EPHA4: variants seen among roughly 807,000 people sequenced by gnomAD.
The protein encoded by EPHA4 is EPH receptor A4.
Under a neutral mutation model 108.3 loss-of-function variants are expected in EPHA4, and 19 were observed. The observed-to-expected ratio is 0.18, with a 90% CI of 0.12 to 0.26. EPHA4 has a LOEUF of 0.26. Ranked by LOEUF, EPHA4 falls within the 10% of genes least tolerant of loss-of-function variation. The probability of loss-of-function intolerance (pLI) is 1.00; values close to 1 mark genes in which losing one functional copy is unlikely to be tolerated. For synonymous variants in EPHA4, 449 were observed against 455.5 expected, an observed-to-expected ratio of 0.99 and a Z score of 0.18; for missense variants, 917 against 1,254.0, an observed-to-expected ratio of 0.73 and a Z score of 4.06.
At chr2:221,448,612 T>C (rs1426332813) in intron 8 of EPHA4, among the ~76,000 whole-genome samples, 2 of 152,152 alleles carry the variant, frequency 1.3e-5, no homozygotes, top group Non-Finnish European at 2.9e-5. Context: ...ACTACTAAAA[T>C]AACATTTTAT....
At chr2:221,558,811 A>T (rs560092951) in intron 3 of EPHA4, among the ~76,000 whole-genome samples, 13 of 152,336 alleles carry the variant, frequency 8.5e-5, no homozygotes, top group African/African-American at 3.1e-4. Context: ...TCTTATAGAT[A>T]AAGAATTACA....
chr2:221,536,653 T>C (rs1029466045), intron 3 of EPHA4, among the ~76,000 whole-genome samples: 8 of 152,230 alleles, frequency 5.3e-5, no homozygotes, highest in Admixed American at 5.2e-4. Flanking sequence ...AGGGGGTTAT[T>C]ATATACCCAG....
chr2:221,424,876 T>C (rs1207818681), intron 17 of EPHA4, among the ~76,000 whole-genome samples: 1 of 152,180 alleles, frequency 6.6e-6, no homozygotes, highest in African/African-American at 2.4e-5. Context: ...AATAAATATG[T>C]GTACCATGAA....
chr2:221,507,304 CT>C (rs1692661370), intron 3 of EPHA4, among the ~76,000 whole-genome samples: 1 of 152,136 alleles, frequency 6.6e-6, no homozygotes, highest in Non-Finnish European at 1.5e-5. Flanking sequence ...AACTGTCTTA[CT>C]GGAAAAGCTG....
intron 13 of EPHA4, 104 bp downstream of exon 13, chr2:221,436,295 A>C (rs1354899447): frequency 9.1e-7 from 1 of 1,101,950 alleles, no homozygotes; most frequent in African/African-American, 1.6e-5. Flanking sequence ...AAGGGATGAG[A>C]AAACTTAAAA....
intron 4 of EPHA4, among the ~76,000 whole-genome samples, chr2:221,486,378 C>T: frequency 6.6e-6 from 1 of 152,080 alleles, no homozygotes; most frequent in East Asian, 1.9e-4. Context: ...ATAATGGTGT[C>T]TTGCTACTTA....
Position 221,427,799 on chromosome 2 carries a change from T to A in EPHA4, c.2691-1180A>T, listed in dbSNP as rs568150821. On this transcript the variant is annotated intron_variant, in intron 15 of 17. Transcript: ENST00000281821. ...CGATATAATGCTTTACTTTTCTACATAGCAGAATTAATCCAATTCGATTTT... is the reference window on the plus strand; with the variant it reads ...CGATATAATGCTTTACTTTTCTACAAAGCAGAATTAATCCAATTCGATTTT... Among the ~76,000 whole-genome samples the A allele has an allele frequency of 2.6e-3, 399 of 152,340 alleles. 3 individuals carry two copies. Among genetic ancestry groups the A allele is most frequent in the Non-Finnish European group, 4.5e-3 (307 of 68,022 alleles).
Position 221,482,510 on chromosome 2 carries a change from G to A in EPHA4, c.1160C>T (p.Thr387Ile). ...GGTCTTCAAGCCATTCTGCTGTGGGGTGTAGTGGACCCCACTTCCACAGGG... is the reference window on the plus strand; with the variant it reads ...GGTCTTCAAGCCATTCTGCTGTGGGATGTAGTGGACCCCACTTCCACAGGG... ...CRPCGSGVHY[T>I]PQQNGLKTTK... Residue 387 changes from threonine (T) to isoleucine (I), a missense_variant, in exon 5 of 18, where the codon ACC (threonine) becomes ATC (isoleucine). Coordinates refer to ENST00000281821, the MANE Select transcript of EPHA4 (RefSeq NM_004438.5). 1.9e-6 allele frequency: 3 copies of A among 1,614,094 alleles called. No homozygotes were observed. Among genetic ancestry groups the A allele is most frequent in the Non-Finnish European group, 2.5e-6 (3 of 1,179,976 alleles).
At chr2:221,472,837 A>T (rs763202318) in intron 5 of EPHA4, among the ~76,000 whole-genome samples, 1 of 152,208 alleles carries the variant, frequency 6.6e-6, no homozygotes, top group Non-Finnish European at 1.5e-5. Flanking sequence ...TTTTCATAAC[A>T]AAACAAAACC....
intron 3 of EPHA4, among the ~76,000 whole-genome samples, chr2:221,524,576 T>C (rs776303763): frequency 2.0e-5 from 3 of 152,196 alleles, no homozygotes; most frequent in Non-Finnish European, 4.4e-5. Flanking sequence ...TAACAAAGCC[T>C]ATGTCAAATG....
intron 5 of EPHA4, among the ~76,000 whole-genome samples, chr2:221,470,689 A>T (rs1173887888): frequency 1.3e-5 from 2 of 151,852 alleles, no homozygotes; most frequent in Admixed American, 1.3e-4. Flanking sequence ...CTTGCTTGCT[A>T]TGTAGACAAG....
rs938336730 is a variant in EPHA4 at position 221,425,533 on chromosome 2, T to TC, written c.*494dup. On this transcript the variant is annotated 3_prime_UTR_variant, in exon 17 of 18. Transcript: ENST00000281821. ...GTCGCTTTCTCCTAGGACTTTTTTTTCCCCCATGGTATGAACCAAGCCCTA... is the reference window on the plus strand; with the variant it reads ...GTCGCTTTCTCCTAGGACTTTTTTTTCCCCCCATGGTATGAACCAAGCCCTA... 2.0e-5 allele frequency: 3 copies of TC among 152,866 alleles called. No individual in the cohort carries two copies. Among genetic ancestry groups the TC allele is most frequent in the African/African-American group, 4.8e-5 (2 of 41,240 alleles). 9.5% of individuals were successfully genotyped at this position (152,866 alleles called of 1,614,324 possible).
chr2:221,498,629 T>G (rs923208030), intron 4 of EPHA4, among the ~76,000 whole-genome samples: 1 of 151,858 alleles, frequency 6.6e-6, no homozygotes, highest in African/African-American at 2.4e-5. Context: ...TTTTTTTTTT[T>G]CTAAGACAGG....
intron 5 of EPHA4, among the ~76,000 whole-genome samples, chr2:221,469,991 C>T (rs1008877687): frequency 6.6e-6 from 1 of 152,246 alleles, no homozygotes; most frequent in East Asian, 1.9e-4. Context: ...CAGCCACTGT[C>T]CTTTAGATCT....
intron 17 of EPHA4, among the ~76,000 whole-genome samples, chr2:221,424,755 A>G (rs1247512447): frequency 6.6e-6 from 1 of 152,202 alleles, no homozygotes; most frequent in Non-Finnish European, 1.5e-5. Flanking sequence ...GCTAATGGAA[A>G]AGTCTCGCCA....
chr2:221,471,834 G>A (rs1208276277), intron 5 of EPHA4, among the ~76,000 whole-genome samples: 2 of 152,080 alleles, frequency 1.3e-5, no homozygotes, highest in African/African-American at 4.8e-5. Context: ...CTTTCAGAGG[G>A]GGTAAGGCTC....
Position 221,425,839 on chromosome 2 carries a change from G to A in EPHA4, c.*189C>T, listed in dbSNP as rs964469706. On this transcript the variant is annotated 3_prime_UTR_variant, in exon 17 of 18. Transcript: ENST00000281821. ...TGTTCCAGGTCTCATTCAAATGACC[G>A]GCAGTCATTTCTGTAAGCCCCACAG... 2.7e-5 allele frequency: 16 copies of A among 582,724 alleles called. No individual in the cohort carries two copies. The highest frequency in any genetic ancestry group is 4.4e-5 in the South Asian group (2 of 45,472). The allele number at this position is 582,724 out of a possible 1,614,324, so 36.1% of individuals were successfully genotyped here.
At chr2:221,484,209 G>C (rs755904557) in intron 4 of EPHA4, among the ~76,000 whole-genome samples, 2 of 152,204 alleles carry the variant, frequency 1.3e-5, no homozygotes, top group Non-Finnish European at 2.9e-5. Flanking sequence ...TGTCGAGATA[G>C]AATTGGAAGA....
chr2:221,532,128 T>A (rs1353168863), intron 3 of EPHA4, among the ~76,000 whole-genome samples: 4 of 29,708 alleles, frequency 1.3e-4, no homozygotes, highest in African/African-American at 7.5e-4. Flanking sequence ...AATTTATTCT[T>A]TTTTTTTTTT....
Sources: gnomAD v4.1 joint callset for allele counts (sites outside exome capture counted in the v4.1 genomes callset) on GRCh38, gnomAD v4.1.1 for gene constraint, MANE v1.5 for transcripts, NCBI Gene and HGNC (gene_info 2026-07-23, HGNC 2026-07-21) for gene names.